ZNF519: variants seen among roughly 807,000 people sequenced by gnomAD.
The protein encoded by ZNF519 is zinc finger protein 519.
A neutral mutation model predicts 7.4 loss-of-function variants in ZNF519; 7 were observed. The observed-to-expected ratio is 0.94, with a 90% confidence interval of 0.54 to 1.77. The LOEUF (loss-of-function observed/expected upper bound fraction) is 1.77. Ranked by LOEUF, ZNF519 falls within the 40% of genes most tolerant of loss-of-function variation. The probability of loss-of-function intolerance (pLI) is 0.00; values close to 1 mark genes in which losing one functional copy is unlikely to be tolerated. For synonymous variants in ZNF519, 179 were observed against 203.3 expected (o/e 0.88, Z 1.02); for missense variants, 586 against 623.1 (o/e 0.94, Z 0.63).
At position 14,101,441 on chromosome 18, in the gene ZNF519, A is replaced by G; in HGVS notation, c.*3476T>C. The G allele has an allele frequency of 2.6e-6, 1 of 381,288 alleles. No homozygotes were observed. 23.6% of individuals were successfully genotyped at this position (381,288 alleles called of 1,614,324 possible). The stretch of plus-strand genomic sequence containing the variant: ...AAAGTAAAATATAAATAATTTTCCT[A>G]GATATTCTTACAAATATGTGAAAGC... On this transcript the variant is annotated 3_prime_UTR_variant, in exon 3 of 3. Transcript: ENST00000590202.
chr18:14,125,813 T>C (rs1273487295), intron 1 of ZNF519, among the ~76,000 whole-genome samples: 3 of 152,010 alleles, frequency 2.0e-5, no homozygotes, highest in African/African-American at 4.8e-5. Flanking sequence ...ACCTCCCAAA[T>C]AGCTGGGATT....
intron 2 of ZNF519, chr18:14,090,272 G>T (rs3744821): frequency 0.2 from 31,028 of 152,158 alleles, 3,952 homozygotes; most frequent in East Asian, 0.68. Context: ...TTCAGAGACG[G>T]AGTCATTTTT....
Position 14,123,181 on chromosome 18 carries a change from G to T in ZNF519, c.130+1169C>A. The T allele has an allele frequency of 1.2e-5, 3 of 246,678 alleles. No homozygotes were observed. In the South Asian group the frequency reaches 2.4e-4, roughly 20 times the overall value. The allele number at this position is 246,678 out of a possible 1,614,324, so 15.3% of individuals were successfully genotyped here. On this transcript the variant is annotated intron_variant, in intron 2 of 2. Coordinates refer to ENST00000590202, the MANE Select transcript of ZNF519 (RefSeq NM_145287.4). Reference sequence around the variant, plus strand: ...GCTCTTTTCTTTGCTCCAGACAGGTGACCAGGTCTGGTTAGAGATAGCAAC... The same window carrying T: ...GCTCTTTTCTTTGCTCCAGACAGGTTACCAGGTCTGGTTAGAGATAGCAAC...
At chr18:14,124,213 G>A in intron 2 of ZNF519, 137 bp downstream of exon 2, 6 of 770,798 alleles carry the variant, frequency 7.8e-6, no homozygotes, top group South Asian at 3.2e-5. Context: ...TTTTACACTA[G>A]CAAACTCCCA....
chr18:14,106,127 G>A lies in ZNF519; in HGVS notation c.413C>T (p.Pro138Leu), dbSNP rs1418490315. The A allele has an allele frequency of 2.5e-6, 4 of 1,610,910 alleles. No individual in the cohort carries two copies. In the Admixed American group the frequency reaches 6.8e-5, roughly 27 times the overall value. ...PQFLSAAPTE[P>L]CIPMNKYQHK... is the part of the protein sequence containing the mutation. ...TTGATATTTATTCATAGGAATACAT[G>A]GTTCTGTAGGAGCAGCTGACAGAAA... Residue 138 changes from proline to leucine, a missense_variant, in exon 3 of 3, where the codon CCA (proline) becomes CTA (leucine). Transcript: ENST00000590202.
chr18:14,089,903 T>G (rs973741959), intron 2 of ZNF519: 2 of 152,236 alleles, frequency 1.3e-5, no homozygotes, highest in African/African-American at 4.8e-5. Context: ...GGATGTTCTT[T>G]GGTGTTTGTT....
At chr18:14,107,912 C>A (rs2046201941) in intron 2 of ZNF519, among the ~76,000 whole-genome samples, 1 of 152,052 alleles carries the variant, frequency 6.6e-6, no homozygotes, top group Non-Finnish European at 1.5e-5. Context: ...TACCACAGTA[C>A]AACAGAAAAC....
At chr18:14,112,384 T>C (rs552233832) in intron 2 of ZNF519, among the ~76,000 whole-genome samples, 3 of 152,230 alleles carry the variant, frequency 2.0e-5, no homozygotes, top group African/African-American at 4.8e-5. Flanking sequence ...TGAAAAGCTT[T>C]TCCTAAGATT....
At chr18:14,130,509 G>C (rs917034688) in intron 1 of ZNF519, among the ~76,000 whole-genome samples, 7 of 152,056 alleles carry the variant, frequency 4.6e-5, no homozygotes, top group African/African-American at 1.7e-4. Context: ...CAAACTCAGG[G>C]AGTGGCAGTG....
chr18:14,084,920 G>T (rs940079876), exon 3 of ZNF519: 6 of 152,216 alleles, frequency 3.9e-5, no homozygotes, highest in Middle Eastern at 3.2e-3. Context: ...ACGTCTCTGT[G>T]CAGCTTTCCC....
At chr18:14,115,916 T>C (rs1453374144) in intron 2 of ZNF519, among the ~76,000 whole-genome samples, 2 of 152,222 alleles carry the variant, frequency 1.3e-5, no homozygotes, top group South Asian at 2.1e-4. Context: ...TGGGTAGTTG[T>C]TGTTTCATGG....
In ZNF519 at chr18:14,106,327, A is replaced by C. The variant is rs375637085; in HGVS notation, c.213T>G (p.Tyr71Ter). ...DSFKKATLGR[Y>*]GSCGLENICL... The stretch of plus-strand genomic sequence containing the variant: ...ATATATTTTCAAGGCCACAGCTCCC[A>C]TATCTTCCCAGTGTTGCTTTTTTGA... Residue 71 changes from tyrosine (Y) to a stop codon, truncating the protein, a stop_gained, in exon 3 of 3, where the codon TAT (tyrosine) becomes TAG (stop). Transcript: ENST00000590202. LOFTEE classifies it low-confidence loss of function (END_TRUNC). The C allele has an allele frequency of 6.2e-7, 1 of 1,612,640 alleles. No homozygotes were observed. Among genetic ancestry groups the C allele is most frequent in the Non-Finnish European group, 8.5e-7 (1 of 1,179,748 alleles).
chr18:14,127,852 T>C (rs1044553831), intron 1 of ZNF519, among the ~76,000 whole-genome samples: 3 of 151,888 alleles, frequency 2.0e-5, no homozygotes, highest in African/African-American at 4.8e-5. Context: ...GGCACTTTGC[T>C]GCACAATTGT....
downstream of ZNF519, chr18:14,072,556 A>G (rs1392082164): frequency 6.6e-6 from 1 of 152,118 alleles, no homozygotes; most frequent in African/African-American, 2.4e-5. Flanking sequence ...TTTGGGATTC[A>G]ATGGGAATCC....
chr18:14,097,936 T>A (rs1439077071), downstream of ZNF519, among the ~76,000 whole-genome samples: 1 of 152,062 alleles, frequency 6.6e-6, no homozygotes, highest in South Asian at 2.1e-4. Context: ...ACAAACACAA[T>A]GAGTTTGTGG....
At position 14,108,857 on chromosome 18, in the gene ZNF519, G is replaced by T. The variant is rs1382856226; in HGVS notation, c.131-2448C>A. Among the ~76,000 whole-genome samples, 2 of 152,056 alleles carry T rather than the reference G, an allele frequency of 1.3e-5. 1 individual carries two copies. The highest frequency in any genetic ancestry group is 4.8e-5 in the African/African-American group (2 of 41,406). On this transcript the variant is annotated intron_variant, in intron 2 of 2. Transcript: ENST00000590202. Reference sequence around the variant, plus strand: ...TGTAATCTCAGCACTTTGGGAGGCCGAGGTGGGTGGATCACCTGAGGTTGG... The same window carrying T: ...TGTAATCTCAGCACTTTGGGAGGCCTAGGTGGGTGGATCACCTGAGGTTGG...
intron 2 of ZNF519, among the ~76,000 whole-genome samples, chr18:14,093,365 ACT>A (rs772285499): frequency 6.6e-5 from 10 of 151,888 alleles, no homozygotes; most frequent in Non-Finnish European, 1.2e-4. Context: ...TTCATGAGGG[ACT>A]CTCTTTCCTA....
chr18:14,122,660 T>C (rs540742649), intron 2 of ZNF519: 1 of 152,236 alleles, frequency 6.6e-6, no homozygotes, highest in African/African-American at 2.4e-5. Context: ...AAGATGTCCC[T>C]ATCTGTGAAT....
At chr18:14,129,721 G>C (rs1246646551) in intron 1 of ZNF519, among the ~76,000 whole-genome samples, 1 of 152,136 alleles carries the variant, frequency 6.6e-6, no homozygotes, top group Non-Finnish European at 1.5e-5. Flanking sequence ...CACAAGTTCA[G>C]GCTAAGTCCC....
Sources: allele counts gnomAD v4.1 joint callset (sites outside exome capture counted in the v4.1 genomes callset), GRCh38; gene constraint gnomAD v4.1.1; transcripts MANE v1.5; gene names NCBI Gene and HGNC (gene_info 2026-07-23, HGNC 2026-07-21).